Variants in NUMA1 observed in about 807,000 individuals in gnomAD.
The protein encoded by NUMA1 is SP-H antigen.
NUMA1 carries 62 observed loss-of-function variants against 237.1 expected under a neutral mutation model. The observed-to-expected ratio is 0.26, with a 90% confidence interval of 0.21 to 0.32. NUMA1 has a LOEUF of 0.32. Ranked by LOEUF, NUMA1 falls within the 10% of genes least tolerant of loss-of-function variation. The probability of loss-of-function intolerance (pLI) is 1.00; values close to 1 mark genes in which losing one functional copy is unlikely to be tolerated. For missense variants in NUMA1, 2,533 were observed against 2,666.5 expected, an observed-to-expected ratio of 0.95 and a Z score of 1.10; for synonymous variants, 1,028 against 1,066.1, an observed-to-expected ratio of 0.96 and a Z score of 0.70.
intron 15 of NUMA1, among the ~76,000 whole-genome samples, 163 bp downstream of exon 15, chr11:72,012,732 C>T (rs574432525): frequency 6.6e-6 from 1 of 152,274 alleles, no homozygotes; most frequent in Admixed American, 6.5e-5. Context: ...ACAGGGGCAA[C>T]AGACTTGAAC....
chr11:72,024,116 C>A (rs1460393096), intron 5 of NUMA1, 158 bp downstream of exon 5: 2 of 613,900 alleles, frequency 3.3e-6, no homozygotes, highest in East Asian at 5.6e-5. Flanking sequence ...ATCACAAGAC[C>A]CAGGGGATCT....
intron 4 of NUMA1, among the ~76,000 whole-genome samples, chr11:72,025,272 A>AGGG (rs1939422438): frequency 6.6e-6 from 1 of 151,940 alleles, no homozygotes; most frequent in Non-Finnish European, 1.5e-5. Context: ...CCATGAGGAG[A>AGGG]GGGAGACAGC....
At chr11:72,061,304 T>C (rs979086302) in intron 2 of NUMA1, among the ~76,000 whole-genome samples, 1 of 152,120 alleles carries the variant, frequency 6.6e-6, no homozygotes, top group Non-Finnish European at 1.5e-5. Flanking sequence ...AGCCAGAGCA[T>C]GGCTATGTTA....
intron 13 of NUMA1, chr11:72,017,108 G>C (rs113129241): frequency 0.056 from 9,029 of 162,076 alleles, 350 homozygotes; most frequent in Non-Finnish European, 0.084. Context: ...TCAGCCTCCC[G>C]AGTAGCTGGG....
intron 1 of NUMA1, among the ~76,000 whole-genome samples, chr11:72,073,072 G>C (rs1943538034): frequency 2.3e-5 from 1 of 43,006 alleles, no homozygotes; most frequent in Non-Finnish European, 5.7e-5. Flanking sequence ...AAAAAAAGCT[G>C]CCTAGGCCAG....
At chr11:72,024,196 G>C (rs755323710) in intron 5 of NUMA1, 78 bp downstream of exon 5, 54 of 1,314,250 alleles carry the variant, frequency 4.1e-5, no homozygotes, top group Non-Finnish European at 5.9e-5. Flanking sequence ...AGACACCCAT[G>C]AACTAGTTCC....
At chr11:72,056,529 C>G (rs932394030) in intron 2 of NUMA1, among the ~76,000 whole-genome samples, 3 of 149,542 alleles carry the variant, frequency 2.0e-5, no homozygotes, top group African/African-American at 7.4e-5. Context: ...ACTATGTTGG[C>G]CAGGCTGGTC....
chr11:72,005,396 AAT>A, intron 22 of NUMA1, 27 bp from the exon 23 acceptor site: 1 of 1,599,472 alleles, frequency 6.3e-7, no homozygotes, highest in Non-Finnish European at 8.5e-7. Context: ...AGTGGGAACA[AAT>A]GAGCCTGGAG....
rs758543212 is a variant in NUMA1, at chr11:72,014,253, G to A, written c.3250C>T (p.Arg1084Trp). The A allele has an allele frequency of 1.1e-5, 18 of 1,613,822 alleles. No individual in the cohort carries two copies. The highest frequency in any genetic ancestry group is 1.1e-4 in the East Asian group (5 of 44,888). The change falls in exon 15 of 27, where the codon CGG becomes TGG. Residue 1084 changes from arginine to tryptophan, a missense_variant. Coordinates refer to ENST00000393695, the MANE Select transcript of NUMA1 (RefSeq NM_006185.4). The surrounding 1 kb of genome is among the most constrained non-coding windows in gnomAD (Gnocchi z 4.6). Reference sequence around the variant, plus strand: ...TCCTTCAGTTGCTTCACGGTTTGCCGAAGTTCCTCCAGCTCTTTTATCTGG... The same window carrying A: ...TCCTTCAGTTGCTTCACGGTTTGCCAAAGTTCCTCCAGCTCTTTTATCTGG... Reference protein sequence around the residue: ...AAQIKELEELRQTVKQLKEQL... With the variant: ...AAQIKELEELWQTVKQLKEQL...
At chr11:72,065,280 G>C (rs1943148385) in intron 2 of NUMA1, 1 of 152,042 alleles carries the variant, frequency 6.6e-6, no homozygotes, top group African/African-American at 2.4e-5. Flanking sequence ...TTAGGGTAAA[G>C]ACTTATTTGG....
chr11:72,049,815 CCT>C (rs1337061600), intron 2 of NUMA1, among the ~76,000 whole-genome samples: 2 of 150,158 alleles, frequency 1.3e-5, no homozygotes, highest in Non-Finnish European at 3.0e-5. Flanking sequence ...AGAGTGAGAC[CCT>C]GTCTCTAAAA....
intron 3 of NUMA1, among the ~76,000 whole-genome samples, chr11:72,033,364 GTTTTTTTTTTTTTTT>G (rs58353057): frequency 6.9e-6 from 1 of 144,672 alleles, no homozygotes; most frequent in Non-Finnish European, 1.5e-5. Context: ...CATGTTCTTT[GTTTTTTTTTTTTTTT>G]TTTTTTTTTT....
At chr11:72,004,150 C>T (rs756720885) in intron 25 of NUMA1, 51 bp from the exon 26 acceptor site, 1 of 1,610,500 alleles carries the variant, frequency 6.2e-7, no homozygotes, top group Non-Finnish European at 8.5e-7. Flanking sequence ...CTTCCCAGGC[C>T]AGCGTGCTGT....
Position 72,004,893 on chromosome 11 carries a change from C to CTG in NUMA1, c.5830-78_5830-77insCA. ...GAGGACCTGGGGCTGTCCCAGAACT[C>CTG]TACACTCGCCCGACACTTATGGTCG... On this transcript the variant is annotated intron_variant, in intron 23 of 26. Coordinates refer to ENST00000393695, the MANE Select transcript of NUMA1 (RefSeq NM_006185.4). 3 of 1,369,458 alleles carry CTG rather than the reference C, an allele frequency of 2.2e-6. No individual in the cohort carries two copies. The East Asian group carries it at 7.3e-5, about 33-fold the overall frequency. The allele number at this position is 1,369,458 out of a possible 1,614,324, so 84.8% of individuals were successfully genotyped here.
Position 72,013,610 on chromosome 11 carries a change from C to T in NUMA1, c.3893G>A (p.Arg1298Gln), listed in dbSNP as rs377293607. 4.6e-5 allele frequency: 74 copies of T among 1,611,390 alleles called. No homozygotes were observed. In the African/African-American group the frequency reaches 7.2e-4, roughly 16 times the overall value. ...SALREEVQSL[R>Q]EEAEKQRVAS... ...CACCCGCTGTTTCTCAGCCTCCTCC[C>T]GGAGGCTCTGCACCTCCTCCCGCAG... The change falls in exon 15 of 27, where the codon CGG becomes CAG. Residue 1298 changes from arginine to glutamine, a missense_variant. By Grantham distance (43) the Arg-to-Gln change is conservative. This residue lies in a region of NUMA1 where 324 missense variants were observed against 407.6 expected (regional missense o/e 0.79). Transcript: ENST00000393695. The surrounding 1 kb of genome is among the most constrained non-coding windows in gnomAD (Gnocchi z 6.8).
chr11:72,003,732 T>C (rs1955435720), intron 26 of NUMA1, 155 bp downstream of exon 26: 1 of 1,002,794 alleles, frequency 1.0e-6, no homozygotes. Flanking sequence ...CTGTCTTCTC[T>C]CCTTGGAGAG....
In NUMA1 at chr11:72,049,547, A is replaced by T. The variant is rs1363031285; in HGVS notation, c.-32-13572T>A. 5 of 34,584 alleles carry T rather than the reference A, an allele frequency of 1.4e-4. 1 individual carries two copies. Among genetic ancestry groups the T allele is most frequent in the African/African-American group, 4.5e-4 (5 of 11,086 alleles). 2.1% of individuals were successfully genotyped at this position (34,584 alleles called of 1,614,324 possible). Reference sequence around the variant, plus strand: ...AACATAGTGAGAACCTGTCTAAAAAAAAAAATAATAATAATATATATATAT... The same window carrying T: ...AACATAGTGAGAACCTGTCTAAAAATAAAAATAATAATAATATATATATAT... On this transcript the variant is annotated intron_variant, in intron 2 of 26. Coordinates refer to ENST00000393695, the MANE Select transcript of NUMA1 (RefSeq NM_006185.4).
intron 2 of NUMA1, among the ~76,000 whole-genome samples, chr11:72,047,391 G>A (rs1402449973): frequency 6.6e-6 from 1 of 152,120 alleles, no homozygotes; most frequent in Non-Finnish European, 1.5e-5. Flanking sequence ...AGGAGGCTGA[G>A]GTGGGAGGAT....
chr11:72,062,782 G>A (rs967618480), intron 2 of NUMA1: 3 of 151,618 alleles, frequency 2.0e-5, no homozygotes, highest in Non-Finnish European at 4.4e-5. Flanking sequence ...TCTCTGGATA[G>A]GAATTTGGCA....
Sources: allele counts gnomAD v4.1 joint callset (sites outside exome capture counted in the v4.1 genomes callset), GRCh38; gene constraint gnomAD v4.1.1; regional missense constraint gnomAD v4.1.1; non-coding constraint Gnocchi (gnomAD v3.1); transcripts MANE v1.5; gene names NCBI Gene and HGNC (gene_info 2026-07-23, HGNC 2026-07-21).